SHISA9: variants seen among roughly 807,000 people sequenced by gnomAD.
SHISA9 encodes the protein protein shisa-9.
A neutral mutation model predicts 38.0 loss-of-function variants in SHISA9; 13 were observed. The observed-to-expected ratio is 0.34, with a 90% confidence interval of 0.22 to 0.54. The LOEUF (loss-of-function observed/expected upper bound fraction) is 0.54, where lower values mean the gene tolerates loss of function less well. SHISA9 is among the 20% of genes least tolerant of loss of function. SHISA9 has a pLI of 0.91. For synonymous variants in SHISA9, 275 were observed against 242.0 expected (o/e 1.14, Z -1.27); for missense variants, 538 against 575.8 (o/e 0.93, Z 0.67).
In SHISA9 at chr16:13,066,165, G is replaced by A. The variant is rs940510594; in HGVS notation, c.692-137229G>A. Among the ~76,000 whole-genome samples the A allele has an allele frequency of 2.0e-5, 3 of 152,272 alleles. No homozygotes were observed. In the East Asian group the frequency reaches 5.8e-4, roughly 29 times the overall value. Reference sequence around the variant, plus strand: ...CTATGGTGATAACACTGAGATGGAAGATGCATGGAGATGGCACTTTTCTCG... The same window carrying A: ...CTATGGTGATAACACTGAGATGGAAAATGCATGGAGATGGCACTTTTCTCG... On this transcript the variant is annotated intron_variant, in intron 2 of 4. Coordinates refer to ENST00000558583, the MANE Select transcript of SHISA9 (RefSeq NM_001145204.3).
chr16:13,502,773 A>G, the SHISA9 span, among the ~76,000 whole-genome samples: 2 of 152,170 alleles, frequency 1.3e-5, no homozygotes, highest in Non-Finnish European at 2.9e-5. Flanking sequence ...GCTACTCGGG[A>G]GGCTGAGACA....
At chr16:13,293,455 G>T in the SHISA9 span, among the ~76,000 whole-genome samples, 1 of 152,080 alleles carries the variant, frequency 6.6e-6, no homozygotes, top group South Asian at 2.1e-4. Flanking sequence ...AGACATCCTG[G>T]GTTTGAATCT....
the SHISA9 span, among the ~76,000 whole-genome samples, chr16:13,549,142 T>C: frequency 9.2e-5 from 14 of 152,188 alleles, 2 homozygotes; most frequent in Admixed American, 9.2e-4. Context: ...ACAATCTCTC[T>C]CATGTGTAGA....
chr16:13,419,117 A>C, the SHISA9 span, among the ~76,000 whole-genome samples: 10,811 of 152,316 alleles, frequency 0.071, 536 homozygotes, highest in Non-Finnish European at 0.1. Flanking sequence ...CTTTTAGTTC[A>C]AGCTTTGTAT....
At chr16:13,393,286 C>T in the SHISA9 span, among the ~76,000 whole-genome samples, 2 of 152,162 alleles carry the variant, frequency 1.3e-5, no homozygotes, top group African/African-American at 4.8e-5. Context: ...TCTGGTGTTG[C>T]CATCTTGAAA....
intron 2 of SHISA9, among the ~76,000 whole-genome samples, chr16:13,193,118 C>A (rs749285265): frequency 6.6e-6 from 1 of 152,168 alleles, no homozygotes; most frequent in Non-Finnish European, 1.5e-5. Flanking sequence ...CAATGCTGAA[C>A]TTCCAGGCTC....
At chr16:12,926,692 G>T (rs2071396887) in intron 2 of SHISA9, among the ~76,000 whole-genome samples, 1 of 152,142 alleles carries the variant, frequency 6.6e-6, no homozygotes, top group Non-Finnish European at 1.5e-5. Flanking sequence ...GTAACATTGG[G>T]GCTAGAAGGG....
chr16:13,192,451 A>G (rs1227646452), intron 2 of SHISA9, among the ~76,000 whole-genome samples: 1 of 152,124 alleles, frequency 6.6e-6, no homozygotes. Flanking sequence ...GGGAATCGTT[A>G]ACCAAGCACA....
chr16:13,068,278 G>A (rs867832775), intron 2 of SHISA9, among the ~76,000 whole-genome samples: 2 of 152,154 alleles, frequency 1.3e-5, no homozygotes, highest in Non-Finnish European at 1.5e-5. Flanking sequence ...TCCGTTTCTC[G>A]ACCCATAAAA....
At chr16:12,931,973 A>C (rs1418210534) in intron 2 of SHISA9, among the ~76,000 whole-genome samples, 1 of 152,122 alleles carries the variant, frequency 6.6e-6, no homozygotes, top group Admixed American at 6.5e-5. Flanking sequence ...CATGGAGGGC[A>C]AGTTTTTCTC....
chr16:13,551,149 C>T, the SHISA9 span, among the ~76,000 whole-genome samples: 25 of 151,480 alleles, frequency 1.7e-4, no homozygotes, highest in Middle Eastern at 6.9e-3. Flanking sequence ...AAGTGATGGG[C>T]ACAAAGATAA....
the SHISA9 span, among the ~76,000 whole-genome samples, chr16:13,387,572 C>T: frequency 6.6e-6 from 1 of 151,946 alleles, no homozygotes; most frequent in African/African-American, 2.4e-5. Flanking sequence ...TCACTGCAAC[C>T]CTCGCCTCCT....
chr16:12,959,190 G>A (rs1353560090), intron 2 of SHISA9, among the ~76,000 whole-genome samples: 2 of 152,190 alleles, frequency 1.3e-5, no homozygotes, highest in Non-Finnish European at 2.9e-5. Context: ...AATCATAGAT[G>A]CTCCATAAAT....
chr16:12,922,761 C>G (rs576796550), intron 2 of SHISA9, among the ~76,000 whole-genome samples: 60 of 152,220 alleles, frequency 3.9e-4, no homozygotes, highest in African/African-American at 1.4e-3. Context: ...CTCAGGTGAT[C>G]CACGTGCCTT....
chr16:13,492,165 C>G, the SHISA9 span, among the ~76,000 whole-genome samples: 1 of 152,008 alleles, frequency 6.6e-6, no homozygotes, highest in African/African-American at 2.4e-5. Context: ...ATAACCAGCC[C>G]TAGTCAATTT....
intron 3 of SHISA9, among the ~76,000 whole-genome samples, chr16:13,203,922 A>G (rs776842157): frequency 4.6e-5 from 7 of 151,656 alleles, no homozygotes; most frequent in Non-Finnish European, 8.8e-5. Context: ...TCTATTATCT[A>G]TTGAATCTAT....
At chr16:12,910,594 T>A (rs1487996576) in intron 1 of SHISA9, 1 of 985,308 alleles carries the variant, frequency 1.0e-6, no homozygotes. Flanking sequence ...TTCAGTCATT[T>A]CAACCTCAAA....
chr16:12,977,521 G>A (rs2072179877), intron 2 of SHISA9, among the ~76,000 whole-genome samples: 1 of 152,140 alleles, frequency 6.6e-6, no homozygotes, highest in Non-Finnish European at 1.5e-5. Flanking sequence ...GCGCGTGTAT[G>A]TTCATTACTG....
chr16:13,449,276 A>G, the SHISA9 span, among the ~76,000 whole-genome samples: 2 of 152,230 alleles, frequency 1.3e-5, no homozygotes, highest in African/African-American at 4.8e-5. Context: ...CAAGGAATAG[A>G]CCAAAATGTT....
Sources: gnomAD v4.1 joint callset for allele counts (sites outside exome capture counted in the v4.1 genomes callset) on GRCh38, gnomAD v4.1.1 for gene constraint, MANE v1.5 for transcripts, NCBI Gene and HGNC (gene_info 2026-07-23, HGNC 2026-07-21) for gene names.